The following NUP88 variants were observed in gnomAD, a reference collection of about 807,000 sequenced individuals.
NUP88 encodes the protein nucleoporin 88, also known as nuclear pore complex protein Nup88.
A neutral mutation model predicts 93.9 loss-of-function variants in NUP88; 57 were observed. That is an observed-to-expected ratio of 0.61 (90% CI 0.49 to 0.76). The LOEUF is 0.76. Among genes scored for constraint, NUP88 ranks in the 30% least tolerant of loss-of-function variants. The pLI is 0.00. For synonymous variants in NUP88, 346 were observed against 336.8 expected (o/e 1.03, Z -0.30); for missense variants, 911 against 901.0 (o/e 1.01, Z -0.14).
intron 10 of NUP88, among the ~76,000 whole-genome samples, chr17:5,390,407 C>T (rs913043660): frequency 6.6e-6 from 1 of 152,046 alleles, no homozygotes; most frequent in Non-Finnish European, 1.5e-5. Context: ...TTTATTTTTA[C>T]ATCCAGATAG....
rs141781082 is a variant in NUP88, at chr17:5,392,009, T to C, written c.1383-347A>G. 9.6e-3 allele frequency among the ~76,000 whole-genome samples: 1,455 copies of C among 152,310 alleles called. 28 individuals carry two copies. Among genetic ancestry groups the C allele is most frequent in the Non-Finnish European group, 0.011 (747 of 68,032 alleles). ...TAACAAATTAAGTGCTTAGAAACTG[T>C]TGAATGAACAGAACTACCGAGTCTC... On this transcript the variant is annotated intron_variant, in intron 9 of 16. Transcript: ENST00000573584.
chr17:5,395,195 A>C (rs1912697055), intron 8 of NUP88, among the ~76,000 whole-genome samples: 1 of 152,172 alleles, frequency 6.6e-6, no homozygotes, highest in South Asian at 2.1e-4. Flanking sequence ...CTGAATGCAA[A>C]AATGTTTCAC....
At chr17:5,390,076 A>G (rs1423239709) in intron 10 of NUP88, among the ~76,000 whole-genome samples, 1 of 151,378 alleles carries the variant, frequency 6.6e-6, no homozygotes, top group African/African-American at 2.4e-5. Flanking sequence ...GAGGCAGGAG[A>G]ATCACTTGAA....
At position 5,387,585 on chromosome 17, in the gene NUP88, T is replaced by C; in HGVS notation, c.1835+20A>G. 6.2e-7 allele frequency: 1 copy of C among 1,608,728 alleles called. No homozygotes were observed. ...CCAGTCTTACTGACCTATTGTATTC[T>C]TCTTATTTTTGACACTTACCTCTCT... On this transcript the variant is annotated intron_variant, in intron 13 of 16. Coordinates refer to ENST00000573584, the MANE Select transcript of NUP88 (RefSeq NM_002532.6).
At chr17:5,393,439 T>C (rs542903752) in intron 9 of NUP88, among the ~76,000 whole-genome samples, 27 of 141,652 alleles carry the variant, frequency 1.9e-4, no homozygotes, top group Middle Eastern at 3.4e-3. Context: ...ACTTTTCTTT[T>C]TTTTTTTTTT....
chr17:5,391,682 G>A lies in NUP88; in HGVS notation c.1383-20C>T, dbSNP rs771952379. On this transcript the variant is annotated intron_variant, in intron 9 of 16. Coordinates refer to ENST00000573584, the MANE Select transcript of NUP88 (RefSeq NM_002532.6). ...GGCTGCCTGGAAAAACACAGTCATA[G>A]TTAAATTACAAAGCAGCAAATGCAA... 2 of 1,589,878 alleles carry A rather than the reference G, an allele frequency of 1.3e-6. No individual in the cohort carries two copies. Among genetic ancestry groups the A allele is most frequent in the Non-Finnish European group, 1.7e-6 (2 of 1,158,562 alleles).
intron 1 of NUP88, 91 bp downstream of exon 1, chr17:5,419,263 A>G: frequency 7.2e-7 from 1 of 1,389,034 alleles, no homozygotes; most frequent in Non-Finnish European, 9.5e-7. Flanking sequence ...AACGCCTGCC[A>G]CAAGATGAAA....
rs772842215 is a variant in NUP88, at chr17:5,419,603, G to A, written c.48C>T (p.Thr16=). 1.4e-5 allele frequency: 23 copies of A among 1,602,158 alleles called. No individual in the cohort carries two copies. Among genetic ancestry groups the A allele is most frequent in the South Asian group, 3.3e-5 (3 of 90,960 alleles). The part of the protein sequence containing the change: ...GPVGDGELWQ[T]WLPNHVVFLR... Reference sequence around the variant, plus strand: ...AGAACACGACGTGGTTAGGAAGCCAGGTCTGCCACAGCTCGCCGTCGCCCA... The same window carrying A: ...AGAACACGACGTGGTTAGGAAGCCAAGTCTGCCACAGCTCGCCGTCGCCCA... The change falls in exon 1 of 17, where the codon ACC becomes ACT. Residue 16 remains threonine (T), a synonymous_variant. Transcript: ENST00000573584.
At chr17:5,412,386 T>C (rs974964397) in intron 3 of NUP88, among the ~76,000 whole-genome samples, 1 of 152,152 alleles carries the variant, frequency 6.6e-6, no homozygotes, top group Non-Finnish European at 1.5e-5. Context: ...CTGGTGCATT[T>C]CCTAGCTGAA....
intron 7 of NUP88, among the ~76,000 whole-genome samples, chr17:5,403,309 T>G (rs894587289): frequency 2.6e-5 from 4 of 151,972 alleles, no homozygotes; most frequent in Non-Finnish European, 5.9e-5. Context: ...GACCCCCGTC[T>G]CTACTAAAAA....
chr17:5,415,781 T>C (rs1597332121), intron 2 of NUP88, among the ~76,000 whole-genome samples: 1 of 152,174 alleles, frequency 6.6e-6, no homozygotes, highest in Non-Finnish European at 1.5e-5. Flanking sequence ...CAATCGTAAG[T>C]TGAAAAGCAT....
At chr17:5,399,190 CTTTTTTT>C (rs536801907) in intron 8 of NUP88, among the ~76,000 whole-genome samples, 17 of 123,472 alleles carry the variant, frequency 1.4e-4, no homozygotes, top group Admixed American at 1.3e-3. Context: ...CGCACCCGGC[CTTTTTTT>C]TTTTTTTTTT....
rs1201892121 is a variant in NUP88 at position 5,419,407 on chromosome 17, G to A, written c.244C>T (p.Arg82Cys). ...CCGCCGCCGCTGGGGCCCCGAAGGC[G>A]AACGACTAAGAAGGAGCTGTCTTCT... ...DGEDSSFLVV[R>C]LRGPSGGGEE... Residue 82 changes from arginine (R) to cysteine (C), a missense_variant, in exon 1 of 17, where the codon CGC becomes TGC. Physicochemically the swap from Arg to Cys is radical, Grantham distance 180 (BLOSUM62 -3). Transcript: ENST00000573584. 1.2e-6 allele frequency: 2 copies of A among 1,611,064 alleles called. No individual in the cohort carries two copies. The highest frequency in any genetic ancestry group is 1.1e-5 in the South Asian group (1 of 91,000).
At position 5,408,029 on chromosome 17, in the gene NUP88, G is replaced by T. The variant is rs547967606; in HGVS notation, c.857+704C>A. Among the ~76,000 whole-genome samples the T allele has an allele frequency of 9.2e-5, 14 of 152,124 alleles. No homozygotes were observed. The East Asian group carries it at 2.3e-3, about 25-fold the overall frequency. The stretch of plus-strand genomic sequence containing the variant: ...AACCCACACTCACTCTTTTAACGAG[G>T]TATTTTTAATTCCAGCAAATTTTCT... On this transcript the variant is annotated intron_variant, in intron 5 of 16. Transcript: ENST00000573584.
rs770218779 is a variant in NUP88 at position 5,394,970 on chromosome 17, T to G, written c.1303A>C (p.Lys435Gln). Residue 435 changes from lysine (K) to glutamine (Q), a missense_variant, in exon 9 of 17, where the codon AAG becomes CAG. Lys to Gln is a moderately conservative substitution (Grantham distance 53). Coordinates refer to ENST00000573584, the MANE Select transcript of NUP88 (RefSeq NM_002532.6). ...HKFLGSDEED[K>Q]DSLQELSTEQ... The stretch of plus-strand genomic sequence containing the variant: ...GTAGAGAGTTCCTGTAAACTATCCT[T>G]ATCTTCTTCATCTACCATGGAAGAC... 6.2e-7 allele frequency: 1 copy of G among 1,601,168 alleles called. No individual in the cohort carries two copies. Among genetic ancestry groups the G allele is most frequent in the South Asian group, 1.1e-5 (1 of 90,790 alleles).
Position 5,385,124 on chromosome 17 carries a change from C to A in NUP88, c.*1082G>T. On this transcript the variant is annotated 3_prime_UTR_variant, in exon 17 of 17. Transcript: ENST00000573584. The stretch of plus-strand genomic sequence containing the variant: ...TTAGTGGTCTCTACTGTGGCAAATG[C>A]CAACTGTTGGAATTCACTTTATTGT... The A allele has an allele frequency of 8.7e-6, 2 of 229,282 alleles. No individual in the cohort carries two copies. Among genetic ancestry groups the A allele is most frequent in the East Asian group, 1.2e-4 (2 of 16,030 alleles). The allele number at this position is 229,282 out of a possible 1,614,324, so 14.2% of individuals were successfully genotyped here.
rs555197959 is a variant in NUP88 at position 5,414,383 on chromosome 17, G to A, written c.468-249C>T. ...GCGAACTTTGTATTTTCAGTAGAGA[G>A]GGGGTTTCTCCATGTTGGTCAGGCT... On this transcript the variant is annotated intron_variant, in intron 2 of 16. Coordinates refer to ENST00000573584, the MANE Select transcript of NUP88 (RefSeq NM_002532.6). 6.5e-4 allele frequency among the ~76,000 whole-genome samples: 99 copies of A among 152,026 alleles called. 1 individual carries two copies. Among genetic ancestry groups the A allele is most frequent in the African/African-American group, 2.3e-3 (94 of 41,458 alleles).
rs1912112378 is a variant in NUP88 at position 5,387,656 on chromosome 17, CATA to C, written c.1781_1783del (p.Leu594del). 2.2e-5 allele frequency: 35 copies of C among 1,612,418 alleles called. No individual in the cohort carries two copies. Among genetic ancestry groups the C allele is most frequent in the Non-Finnish European group, 3.0e-5 (35 of 1,179,228 alleles). On this transcript the variant is annotated inframe_deletion, in exon 13 of 17. Coordinates refer to ENST00000573584, the MANE Select transcript of NUP88 (RefSeq NM_002532.6). ...TTCTAGTTGTTTCTTTTTTTGGTCA[CATA>C]ATAATTTGACCCTTTAAAAACAAAA... is the stretch of plus-strand genomic sequence containing the variant.
Position 5,385,486 on chromosome 17 carries a change from A to G in NUP88, c.*720T>C, listed in dbSNP as rs1356077387. 4.3e-6 allele frequency: 1 copy of G among 230,530 alleles called. No individual in the cohort carries two copies. The highest frequency in any genetic ancestry group is 8.6e-6 in the Non-Finnish European group (1 of 116,436). 14.3% of individuals were successfully genotyped at this position (230,530 alleles called of 1,614,324 possible). A position where few individuals can be genotyped will look rare whatever the true frequency, so the allele number is the denominator to read the frequency against. On this transcript the variant is annotated 3_prime_UTR_variant, in exon 17 of 17. Coordinates refer to ENST00000573584, the MANE Select transcript of NUP88 (RefSeq NM_002532.6). The stretch of plus-strand genomic sequence containing the variant: ...AGCAGATATAGTAGTACCTTTCAGA[A>G]CTCACATTGGCAAGTGTAAAAAGAT...
Sources: allele counts gnomAD v4.1 joint callset (sites outside exome capture counted in the v4.1 genomes callset), GRCh38; gene constraint gnomAD v4.1.1; transcripts MANE v1.5; gene names NCBI Gene and HGNC (gene_info 2026-07-23, HGNC 2026-07-21).